KIAA1217: variants seen among roughly 807,000 people sequenced by gnomAD.
KIAA1217 encodes sickle tail protein homolog.
In KIAA1217, 88 loss-of-function variants were observed where a neutral mutation model predicts 163.9. That is an observed-to-expected ratio of 0.54 (90% CI 0.45 to 0.64). KIAA1217 has a LOEUF of 0.64. Among genes scored for constraint, KIAA1217 ranks in the 30% least tolerant of loss-of-function variants. The probability of loss-of-function intolerance (pLI) is 0.00; values close to 1 mark genes in which losing one functional copy is unlikely to be tolerated. For missense variants in KIAA1217, 2,372 were observed against 2,475.0 expected, an observed-to-expected ratio of 0.96 and a Z score of 0.88; for synonymous variants, 903 against 923.1, an observed-to-expected ratio of 0.98 and a Z score of 0.39.
At chr10:23,758,425 C>T (rs989013487) in intron 1 of KIAA1217, among the ~76,000 whole-genome samples, 4 of 152,140 alleles carry the variant, frequency 2.6e-5, no homozygotes, top group Admixed American at 2.6e-4. Context: ...ATGTCGATGC[C>T]AGCACCACAC....
At chr10:24,466,459 T>G in intron 5 of KIAA1217, 7 of 922,424 alleles carry the variant, frequency 7.6e-6, no homozygotes, top group Non-Finnish European at 9.1e-6. Context: ...GGATGTGGGC[T>G]GAGGTTATTC....
chr10:24,253,241 TAGAAG>T (rs1337934330), intron 2 of KIAA1217, among the ~76,000 whole-genome samples: 1 of 152,148 alleles, frequency 6.6e-6, no homozygotes, highest in African/African-American at 2.4e-5. Flanking sequence ...AGAAGAGTGA[TAGAAG>T]AGAGTTAGCT....
chr10:24,124,326 C>T (rs2063389532), intron 2 of KIAA1217, among the ~76,000 whole-genome samples: 1 of 151,990 alleles, frequency 6.6e-6, no homozygotes, highest in Non-Finnish European at 1.5e-5. Context: ...GGACAGCTTA[C>T]TTGTTTTAGA....
intron 2 of KIAA1217, among the ~76,000 whole-genome samples, chr10:24,027,803 G>A (rs1188917496): frequency 2.6e-5 from 4 of 151,828 alleles, no homozygotes; most frequent in Non-Finnish European, 4.4e-5. Flanking sequence ...AAGAATTCCC[G>A]GGAAACTCCT....
intron 1 of KIAA1217, among the ~76,000 whole-genome samples, chr10:23,940,820 TAAAC>T (rs1045967234): frequency 2.6e-5 from 4 of 152,218 alleles, no homozygotes; most frequent in African/African-American, 9.6e-5. Context: ...AGTTGGAAAT[TAAAC>T]AACACACTTC....
At chr10:23,916,465 A>G (rs1025126473) in intron 1 of KIAA1217, among the ~76,000 whole-genome samples, 3 of 152,084 alleles carry the variant, frequency 2.0e-5, no homozygotes, top group Non-Finnish European at 2.9e-5. Flanking sequence ...ACCACTTTAT[A>G]TCTTCTTCAA....
chr10:23,756,712 G>A (rs1833939543), intron 1 of KIAA1217, among the ~76,000 whole-genome samples: 2 of 152,124 alleles, frequency 1.3e-5, no homozygotes, highest in Non-Finnish European at 2.9e-5. Context: ...AAAATTATTA[G>A]TATTTAATTT....
chr10:24,373,550 T>C (rs191360182), intron 2 of KIAA1217, among the ~76,000 whole-genome samples: 5 of 152,268 alleles, frequency 3.3e-5, no homozygotes, highest in East Asian at 1.9e-4. Context: ...AGAAGTTCCA[T>C]AAATTTTTTG....
At chr10:24,542,593 C>A in intron 17 of KIAA1217, 100 bp from the exon 18 acceptor site, 1 of 1,569,796 alleles carries the variant, frequency 6.4e-7, no homozygotes, top group Non-Finnish European at 8.7e-7. Context: ...GCGTGGCCCG[C>A]ATGTCTTAGA....
At chr10:24,399,465 A>G (rs1031500686) in intron 3 of KIAA1217, among the ~76,000 whole-genome samples, 1 of 152,206 alleles carries the variant, frequency 6.6e-6, no homozygotes, top group East Asian at 1.9e-4. Context: ...TTATTTTATA[A>G]TAATTAACAT....
intron 1 of KIAA1217, among the ~76,000 whole-genome samples, chr10:23,868,280 G>T (rs1588981437): frequency 1.3e-5 from 2 of 152,172 alleles, no homozygotes. Flanking sequence ...CAGATGTACG[G>T]TTACTCAGTT....
chr10:24,219,096 G>A (rs2069231138), intron 1 of KIAA1217, among the ~76,000 whole-genome samples: 1 of 152,106 alleles, frequency 6.6e-6, no homozygotes, highest in African/African-American at 2.4e-5. Context: ...CTAACCAAGT[G>A]TTCTTGAGGG....
At chr10:24,070,288 T>TAAA (rs56759196) in intron 2 of KIAA1217, among the ~76,000 whole-genome samples, 1 of 145,308 alleles carries the variant, frequency 6.9e-6, no homozygotes, top group African/African-American at 2.5e-5. Flanking sequence ...TCAGAATTGA[T>TAAA]AAAAAAAAAA....
intron 2 of KIAA1217, among the ~76,000 whole-genome samples, chr10:24,294,874 C>T (rs2040404870): frequency 1.3e-5 from 2 of 152,210 alleles, no homozygotes; most frequent in South Asian, 2.1e-4. Flanking sequence ...CACACATACC[C>T]TGCCTGAAAG....
At chr10:23,723,039 C>T (rs1398726383) in intron 1 of KIAA1217, among the ~76,000 whole-genome samples, 5 of 152,292 alleles carry the variant, frequency 3.3e-5, no homozygotes, top group African/African-American at 1.2e-4. Flanking sequence ...TTTCATCACG[C>T]ACCTCATTGG....
chr10:24,474,603 C>T (rs138143123), intron 6 of KIAA1217, among the ~76,000 whole-genome samples: 112 of 152,232 alleles, frequency 7.4e-4, no homozygotes, highest in African/African-American at 2.6e-3. Flanking sequence ...AATAGAATGG[C>T]TTAGATTTAA....
At chr10:24,310,462 T>A (rs919361848) in intron 2 of KIAA1217, among the ~76,000 whole-genome samples, 2 of 152,224 alleles carry the variant, frequency 1.3e-5, no homozygotes, top group African/African-American at 2.4e-5. Flanking sequence ...GAGAGCCACC[T>A]GGGGTAGAAC....
At chr10:24,200,729 C>G (rs891610204) in intron 2 of KIAA1217, among the ~76,000 whole-genome samples, 1 of 152,060 alleles carries the variant, frequency 6.6e-6, no homozygotes, top group Non-Finnish European at 1.5e-5. Context: ...TTGTCCAACC[C>G]GGGGAGCATC....
At chr10:23,832,892 G>A (rs547766120) in intron 1 of KIAA1217, among the ~76,000 whole-genome samples, 1 of 152,162 alleles carries the variant, frequency 6.6e-6, no homozygotes, top group African/African-American at 2.4e-5. Flanking sequence ...TAAAAGAAGA[G>A]AGCTTGTGCA....
Sources: allele counts gnomAD v4.1 joint callset (sites outside exome capture counted in the v4.1 genomes callset), GRCh38; gene constraint gnomAD v4.1.1; transcripts MANE v1.5; gene names NCBI Gene and HGNC (gene_info 2026-07-23, HGNC 2026-07-21).